The following ARHGAP18 variants were observed in gnomAD, a reference collection of about 807,000 sequenced individuals.
ARHGAP18 encodes the protein Rho GTPase activating protein 18.
A neutral mutation model predicts 86.2 loss-of-function variants in ARHGAP18; 67 were observed. That is an observed-to-expected ratio of 0.78 (90% CI 0.64 to 0.95). ARHGAP18 has a LOEUF of 0.95. Among genes scored for constraint, ARHGAP18 ranks in the 40% least tolerant of loss-of-function variants. The pLI, the probability that ARHGAP18 is intolerant of heterozygous loss-of-function variation, is 0.00. For missense variants in ARHGAP18, 691 were observed against 780.4 expected (o/e 0.89, Z 1.37); for synonymous variants, 283 against 280.4 (o/e 1.01, Z -0.09).
At chr6:129,612,493 T>A (rs961523717) in intron 7 of ARHGAP18, among the ~76,000 whole-genome samples, 2 of 152,204 alleles carry the variant, frequency 1.3e-5, no homozygotes, top group African/African-American at 4.8e-5. Context: ...TATTCTTCAC[T>A]CATCCACAGT....
At chr6:129,657,576 C>A (rs1188880172) in intron 1 of ARHGAP18, among the ~76,000 whole-genome samples, 4 of 152,140 alleles carry the variant, frequency 2.6e-5, no homozygotes, top group African/African-American at 4.8e-5. Context: ...TATTCAAACA[C>A]AGGGCAACCA....
At position 129,611,427 on chromosome 6, in the gene ARHGAP18, CTT is replaced by C. The variant is rs1364368758; in HGVS notation, c.1122+104_1122+105del. The C allele has an allele frequency of 8.9e-6, 8 of 898,024 alleles. No homozygotes were observed. In the East Asian group the frequency reaches 1.6e-4, roughly 18 times the overall value. 55.6% of individuals were successfully genotyped at this position (898,024 alleles called of 1,614,324 possible). On this transcript the variant is annotated intron_variant, in intron 8 of 14. Transcript: ENST00000368149. The stretch of plus-strand genomic sequence containing the variant: ...AGGTTTTATTGTTTTATTTTATCTA[CTT>C]TACTAACAATGGAAAAAAGGGGTAG...
intron 9 of ARHGAP18, 89 bp from the exon 10 acceptor site, chr6:129,606,048 T>C: frequency 7.0e-6 from 9 of 1,282,664 alleles, no homozygotes; most frequent in Non-Finnish European, 9.0e-6. Flanking sequence ...AAAAAGTTAT[T>C]TGGCATAAAC....
chr6:129,578,058 T>G lies in ARHGAP18; in HGVS notation c.*455A>C, dbSNP rs1788215027. ...TGTTTTAATGTGCTGTCTTCACAAC[T>G]TGCCATACCTGGTATTTGTTATCTT... On this transcript the variant is annotated 3_prime_UTR_variant, in exon 15 of 15. Coordinates refer to ENST00000368149, the MANE Select transcript of ARHGAP18 (RefSeq NM_033515.3). The G allele has an allele frequency of 6.6e-6, 1 of 152,150 alleles. No individual in the cohort carries two copies. The highest frequency in any genetic ancestry group is 2.4e-5 in the African/African-American group (1 of 41,438). The allele number at this position is 152,150 out of a possible 1,614,324, so 9.4% of individuals were successfully genotyped here.
At chr6:129,602,586 A>G (rs941675496) in intron 10 of ARHGAP18, among the ~76,000 whole-genome samples, 9 of 152,208 alleles carry the variant, frequency 5.9e-5, no homozygotes, top group African/African-American at 1.9e-4. Flanking sequence ...AATTAAGGAC[A>G]GAGCTTTAAT....
rs193243582 is a variant in ARHGAP18 at position 129,651,271 on chromosome 6, G to A, written c.114-9253C>T. Reference sequence around the variant, plus strand: ...TGTCTCCATGATGTTACTTGTGGATGTTTAGTCTACAAGTAGGTTTCCTAA... The same window carrying A: ...TGTCTCCATGATGTTACTTGTGGATATTTAGTCTACAAGTAGGTTTCCTAA... On this transcript the variant is annotated intron_variant, in intron 1 of 14. Coordinates refer to ENST00000368149, the MANE Select transcript of ARHGAP18 (RefSeq NM_033515.3). Among the ~76,000 whole-genome samples the A allele has an allele frequency of 1.1e-4, 17 of 152,202 alleles. No individual in the cohort carries two copies. The East Asian group carries it at 1.9e-3, about 17-fold the overall frequency.
intron 10 of ARHGAP18, among the ~76,000 whole-genome samples, chr6:129,601,859 T>G (rs1788753435): frequency 6.6e-6 from 1 of 151,808 alleles, no homozygotes; most frequent in South Asian, 2.1e-4. Context: ...AACTCTTGAG[T>G]TCAAGAAACA....
At position 129,600,762 on chromosome 6, in the gene ARHGAP18, C is replaced by T. The variant is rs765908460; in HGVS notation, c.1452G>A (p.Pro484=). ...CCAATGCATGACACATAAAGAGATT[C>T]GGGGCCATGACCATTGCTACATTCA... ...TVMNVAMVMA[P]NLFMCHALGL... is the part of the protein sequence containing the mutation. Residue 484 remains proline (P), a synonymous_variant, in exon 11 of 15, where the codon CCG becomes CCA. Transcript: ENST00000368149. 9.9e-6 allele frequency: 16 copies of T among 1,613,578 alleles called. No individual in the cohort carries two copies. The highest frequency in any genetic ancestry group is 2.2e-5 in the East Asian group (1 of 44,876).
intron 1 of ARHGAP18, among the ~76,000 whole-genome samples, chr6:129,673,731 A>G (rs1003135571): frequency 4.6e-5 from 7 of 152,248 alleles, no homozygotes; most frequent in South Asian, 2.1e-4. Flanking sequence ...TCTGCAGAAA[A>G]GACCACAGTC....
At chr6:129,648,269 C>G (rs1025832334) in intron 1 of ARHGAP18, among the ~76,000 whole-genome samples, 2 of 151,940 alleles carry the variant, frequency 1.3e-5, no homozygotes, top group African/African-American at 4.8e-5. Context: ...CTCCTGGGCT[C>G]AAGCGATCCT....
At chr6:129,667,207 T>C (rs950665841) in intron 1 of ARHGAP18, among the ~76,000 whole-genome samples, 1 of 151,902 alleles carries the variant, frequency 6.6e-6, no homozygotes, top group Non-Finnish European at 1.5e-5. Context: ...TATTTTTTTT[T>C]CCCATGGAAT....
intron 3 of ARHGAP18, among the ~76,000 whole-genome samples, chr6:129,636,167 C>T (rs894135254): frequency 1.4e-4 from 21 of 152,134 alleles, no homozygotes; most frequent in African/African-American, 4.8e-4. Context: ...AGTGGATATC[C>T]CAAATAACCA....
At chr6:129,608,869 C>A (rs1175095512) in intron 8 of ARHGAP18, among the ~76,000 whole-genome samples, 2 of 152,118 alleles carry the variant, frequency 1.3e-5, no homozygotes, top group Non-Finnish European at 2.9e-5. Context: ...CAAATTACCA[C>A]ATTTTCTCTT....
In ARHGAP18 at chr6:129,634,004, C is replaced by A. The variant is rs374836309; in HGVS notation, c.616+38G>T. ...TGTAACTGTTATACTAATTAAAGGG[C>A]GGAAAAAAAAAAAAACAAGAGAACA... is the stretch of plus-strand genomic sequence containing the variant. On this transcript the variant is annotated intron_variant, in intron 4 of 14. Coordinates refer to ENST00000368149, the MANE Select transcript of ARHGAP18 (RefSeq NM_033515.3). The A allele has an allele frequency of 1.1e-5, 16 of 1,455,134 alleles. No homozygotes were observed. The East Asian group carries it at 2.1e-4, about 19-fold the overall frequency. The allele number at this position is 1,455,134 out of a possible 1,614,324, so 90.1% of individuals were successfully genotyped here. A position where few individuals can be genotyped will look rare whatever the true frequency, so the allele number is the denominator to read the frequency against.
At chr6:129,683,431 T>C (rs1033931766) in intron 1 of ARHGAP18, among the ~76,000 whole-genome samples, 2 of 152,250 alleles carry the variant, frequency 1.3e-5, no homozygotes, top group Admixed American at 1.3e-4. Flanking sequence ...TTTTTTTATC[T>C]GCCAAGTACG....
intron 1 of ARHGAP18, among the ~76,000 whole-genome samples, chr6:129,709,355 A>G (rs1774860074): frequency 6.6e-6 from 1 of 152,214 alleles, no homozygotes; most frequent in Non-Finnish European, 1.5e-5. Flanking sequence ...TTTGCGCCTC[A>G]GTGGTCTATA....
chr6:129,592,832 C>G (rs1157745767), intron 12 of ARHGAP18, among the ~76,000 whole-genome samples: 1 of 152,016 alleles, frequency 6.6e-6, no homozygotes, highest in East Asian at 1.9e-4. Context: ...GGCAGAGATG[C>G]AATCTGAGGT....
chr6:129,625,357 T>TGATA (rs1789369465), intron 5 of ARHGAP18, among the ~76,000 whole-genome samples: 1 of 68,074 alleles, frequency 1.5e-5, no homozygotes, highest in African/African-American at 8.8e-5. Context: ...GTAATATATA[T>TGATA]TATGTATATT....
chr6:129,693,894 C>G (rs543162793), intron 1 of ARHGAP18, among the ~76,000 whole-genome samples: 1 of 144,014 alleles, frequency 6.9e-6, no homozygotes, highest in Admixed American at 6.8e-5. Context: ...TACAATTTGC[C>G]CCAGTTATAC....
Sources: allele counts gnomAD v4.1 joint callset (sites outside exome capture counted in the v4.1 genomes callset), GRCh38; gene constraint gnomAD v4.1.1; transcripts MANE v1.5; gene names NCBI Gene and HGNC (gene_info 2026-07-23, HGNC 2026-07-21).